The following PLIN1 variants were observed in gnomAD, a reference collection of about 807,000 sequenced individuals.
The protein encoded by PLIN1 is perilipin-1.
PLIN1 carries 37 observed loss-of-function variants against 45.8 expected under a neutral mutation model. The ratio of observed to expected loss-of-function variants is 0.81; its 90% CI spans 0.62 to 1.06. The LOEUF (loss-of-function observed/expected upper bound fraction) is 1.06, where lower values mean the gene tolerates loss of function less well. PLIN1 is among the 50% of genes least tolerant of loss of function. The pLI is 0.00. For missense variants in PLIN1, 776 were observed against 716.5 expected (o/e 1.08, Z -0.95); for synonymous variants, 340 against 309.2 (o/e 1.10, Z -1.05).
Position 89,665,433 on chromosome 15 carries a change from T to G in PLIN1, c.*150A>C. The stretch of plus-strand genomic sequence containing the variant: ...AAAAAAAATAAAAATAAAATAAAAA[T>G]AAAAAGTGCGCCTTGGCAGCATCAT... On this transcript the variant is annotated 3_prime_UTR_variant, in exon 9 of 9. Coordinates refer to ENST00000300055, the MANE Select transcript of PLIN1 (RefSeq NM_002666.5). 1.9e-6 allele frequency: 1 copy of G among 526,460 alleles called. No homozygotes were observed. 32.6% of individuals were successfully genotyped at this position (526,460 alleles called of 1,614,324 possible).
chr15:89,673,818 T>TG (rs1224625472), intron 2 of PLIN1, among the ~76,000 whole-genome samples: 3 of 152,182 alleles, frequency 2.0e-5, no homozygotes, highest in Admixed American at 6.5e-5. Context: ...CTGGTCTTTC[T>TG]GGGGTACTGC....
Position 89,667,125 on chromosome 15 carries a change from C to A in PLIN1, c.1020G>T (p.Gln340His), listed in dbSNP as rs768328042. The A allele has an allele frequency of 6.2e-7, 1 of 1,613,490 alleles. No homozygotes were observed. Among genetic ancestry groups the A allele is most frequent in the South Asian group, 1.1e-5 (1 of 91,078 alleles). The change falls in exon 8 of 9, where the codon CAG becomes CAT. Residue 340 changes from glutamine to histidine, a missense_variant. Physicochemically the swap from Gln to His is conservative, Grantham distance 24. Transcript: ENST00000300055. ...GLLGGVAHTL[Q>H]KTLQTTISAV... ...CCGAGATGGTGGTCTGGAGGGTCTT[C>A]TGCAGGGTATGTGCCACACCACCCA...
Position 89,665,844 on chromosome 15 carries a change from A to AGACGCTC in PLIN1, c.1301_1307dup (p.Gly437SerfsTer131). The AGACGCTC allele has an allele frequency of 6.8e-7, 1 of 1,464,532 alleles. No homozygotes were observed. The highest frequency in any genetic ancestry group is 2.9e-5 in the East Asian group (1 of 34,680). The allele number at this position is 1,464,532 out of a possible 1,614,324, so 90.7% of individuals were successfully genotyped here. A position where few individuals can be genotyped will look rare whatever the true frequency, so the allele number is the denominator to read the frequency against. On this transcript the variant is annotated frameshift_variant, in exon 9 of 9. Coordinates refer to ENST00000300055, the MANE Select transcript of PLIN1 (RefSeq NM_002666.5). LOFTEE classifies it low-confidence loss of function (END_TRUNC). ...GCTCCGGGCCGGCGGACGGCGCCCC[A>AGACGCTC]GACGCTCTGCGCTCCGCCTCCCGGC...
At chr15:89,670,468 G>A (rs746827617) in intron 4 of PLIN1, among the ~76,000 whole-genome samples, 10 of 152,092 alleles carry the variant, frequency 6.6e-5, no homozygotes, top group East Asian at 1.9e-4. Context: ...TCTTCACCCC[G>A]CATCACAGCC....
Position 89,667,623 on chromosome 15 carries a change from A to G in PLIN1, c.942T>C (p.Thr314=). Residue 314 remains threonine, a synonymous_variant, in exon 7 of 9, where the codon ACT becomes ACC. Transcript: ENST00000300055. ...TCACCTCACTGAACTTGTTCTCCTCAGTCTCCAATTCTTCCTCCTCCTCCG... is the reference window on the plus strand; with the variant it reads ...TCACCTCACTGAACTTGTTCTCCTCGGTCTCCAATTCTTCCTCCTCCTCCG... The part of the protein sequence containing the change: ...EDTEEEEELE[T]EENKFSEVAA... The G allele has an allele frequency of 1.2e-6, 2 of 1,613,918 alleles. No individual in the cohort carries two copies. The highest frequency in any genetic ancestry group is 1.7e-6 in the Non-Finnish European group (2 of 1,179,880).
chr15:89,671,235 GCTC>G (rs1964434664), intron 4 of PLIN1, among the ~76,000 whole-genome samples: 2 of 152,198 alleles, frequency 1.3e-5, no homozygotes, highest in African/African-American at 4.8e-5. Context: ...CCCGCCTCAA[GCTC>G]CTGTTTGGGT....
Position 89,670,058 on chromosome 15 carries a change from A to C in PLIN1, c.520T>G (p.Ser174Ala), listed in dbSNP as rs1383642124. 9.3e-6 allele frequency: 15 copies of C among 1,614,124 alleles called. No individual in the cohort carries two copies. The East Asian group carries it at 3.1e-4, about 34-fold the overall frequency. Residue 174 changes from serine (S) to alanine (A), a missense_variant, in exon 5 of 9, where the codon TCT becomes GCT. Transcript: ENST00000300055. ...CCCAAGGCCAAGTCGGCCCCTCCAG[A>C]AGCCAGTCGGCCAGCTCGAGTGTTG... ...AANTRAGRLA[S>A]GGADLALGSI... is the part of the protein sequence containing the mutation.
At chr15:89,675,588 CAG>C (rs1351597518) in intron 2 of PLIN1, among the ~76,000 whole-genome samples, 1 of 152,008 alleles carries the variant, frequency 6.6e-6, no homozygotes, top group African/African-American at 2.4e-5. Flanking sequence ...GCCGGGGTGA[CAG>C]AGCAAGACTC....
intron 2 of PLIN1, 78 bp from the exon 3 acceptor site, chr15:89,673,492 G>C (rs1964472551): frequency 8.5e-7 from 1 of 1,180,960 alleles, no homozygotes; most frequent in East Asian, 2.5e-5. Context: ...GGGTCATGGG[G>C]ACCAATGGTG....
In PLIN1 at chr15:89,665,410, AAAAAATAAAAATAAAAT is replaced by A; in HGVS notation, c.*156_*172del. The stretch of plus-strand genomic sequence containing the variant: ...GTGAAGCCCCAAAAGGATGCTAAAA[AAAAAATAAAAATAAAAT>A]AAAAATAAAAAGTGCGCCTTGGCAG... On this transcript the variant is annotated 3_prime_UTR_variant, in exon 9 of 9. Transcript: ENST00000300055. 1 of 484,094 alleles carries A rather than the reference AAAAAATAAAAATAAAAT, an allele frequency of 2.1e-6. No individual in the cohort carries two copies. The highest frequency in any genetic ancestry group is 3.4e-6 in the Non-Finnish European group (1 of 297,702). 30.0% of individuals were successfully genotyped at this position (484,094 alleles called of 1,614,324 possible).
In PLIN1 at chr15:89,667,036, G is replaced by A. The variant is rs1386144358; in HGVS notation, c.1109C>T (p.Ala370Val). The change falls in exon 8 of 9, where the codon GCC becomes GTC. Residue 370 changes from alanine to valine, a missense_variant. Coordinates refer to ENST00000300055, the MANE Select transcript of PLIN1 (RefSeq NM_002666.5). ...CCCCTTGGTTGAGGAGACAGCAGGG[G>A]CTGGTGTGAGGTGCAGCACCCTCCC... ...MAGRVLHLTP[A>V]PAVSSTKGRA... 5.0e-6 allele frequency: 8 copies of A among 1,614,004 alleles called. No homozygotes were observed. Among genetic ancestry groups the A allele is most frequent in the African/African-American group, 2.7e-5 (2 of 74,942 alleles).
chr15:89,677,732 T>G, intron 1 of PLIN1: 2 of 563,380 alleles, frequency 3.5e-6, no homozygotes, highest in Non-Finnish European at 6.3e-6. Context: ...TGATGTTTCT[T>G]TCTTTTTCTT....
rs1431781050 is a variant in PLIN1, at chr15:89,667,805, T to A, written c.772-12A>T. The A allele has an allele frequency of 6.5e-7, 1 of 1,549,940 alleles. No homozygotes were observed. Among genetic ancestry groups the A allele is most frequent in the South Asian group, 1.2e-5 (1 of 84,268 alleles). On this transcript the variant is annotated splice_polypyrimidine_tract_variant and intron_variant, in intron 6 of 8. Transcript: ENST00000300055. ...TGGGCCAGGCTGCTCTGAGGGAGGA[T>A]GGCAGCAGATAGCTGGCTCAACTGC... is the stretch of plus-strand genomic sequence containing the variant.
intron 1 of PLIN1, among the ~76,000 whole-genome samples, chr15:89,678,749 TA>T (rs1239463047): frequency 1.3e-5 from 2 of 152,096 alleles, no homozygotes; most frequent in African/African-American, 2.4e-5. Flanking sequence ...TGCCCATCTC[TA>T]AAAAAATAAA....
In PLIN1 at chr15:89,669,903, T is replaced by A. The variant is rs2304794; in HGVS notation, c.598+77A>T. On this transcript the variant is annotated intron_variant, in intron 5 of 8. Transcript: ENST00000300055. Reference sequence around the variant, plus strand: ...TTCCCTATTCCAGAGCAGTGGCTGGTTGAGCCACCTCCTGCTGATTCCCAG... The same window carrying A: ...TTCCCTATTCCAGAGCAGTGGCTGGATGAGCCACCTCCTGCTGATTCCCAG... 1,439,588 of 1,477,414 alleles carry A rather than the reference T, an allele frequency of 0.97. 704,419 individuals are homozygous for A. Among genetic ancestry groups the A allele is most frequent in the Non-Finnish European group, 1 (1,083,462 of 1,085,226 alleles). The allele number at this position is 1,477,414 out of a possible 1,614,324, so 91.5% of individuals were successfully genotyped here. A position where few individuals can be genotyped will look rare whatever the true frequency, so the allele number is the denominator to read the frequency against.
intron 6 of PLIN1, among the ~76,000 whole-genome samples, chr15:89,668,330 G>T (rs1014353439): frequency 6.6e-6 from 1 of 152,142 alleles, no homozygotes; most frequent in Non-Finnish European, 1.5e-5. Flanking sequence ...ACCGTTGATG[G>T]ACATTATCAT....
intron 8 of PLIN1, among the ~76,000 whole-genome samples, chr15:89,666,587 C>T (rs903946133): frequency 2.6e-5 from 4 of 152,184 alleles, no homozygotes; most frequent in Non-Finnish European, 5.9e-5. Flanking sequence ...CCTCTCCAAC[C>T]CCTTCCCAGG....
intron 3 of PLIN1, among the ~76,000 whole-genome samples, chr15:89,672,741 C>T (rs924326249): frequency 2.6e-5 from 4 of 152,210 alleles, no homozygotes; most frequent in African/African-American, 9.7e-5. Context: ...CACCCCCACC[C>T]GTCATGAGCC....
Position 89,665,061 on chromosome 15 carries a change from G to A in PLIN1, c.*522C>T. 1 of 392,054 alleles carries A rather than the reference G, an allele frequency of 2.6e-6. No homozygotes were observed. Among genetic ancestry groups the A allele is most frequent in the South Asian group, 1.9e-5 (1 of 52,486 alleles). 24.3% of individuals were successfully genotyped at this position (392,054 alleles called of 1,614,324 possible). On this transcript the variant is annotated 3_prime_UTR_variant, in exon 9 of 9. Transcript: ENST00000300055. ...TTTGCATCTGATTGTTCCCTTCAAA[G>A]TAGCCTGCTGGGAGCCTAGATCATC... is the stretch of plus-strand genomic sequence containing the variant.
Sources: allele counts gnomAD v4.1 joint callset (sites outside exome capture counted in the v4.1 genomes callset), GRCh38; gene constraint gnomAD v4.1.1; transcripts MANE v1.5; gene names NCBI Gene and HGNC (gene_info 2026-07-23, HGNC 2026-07-21).